PRRX2: variants seen among roughly 807,000 people sequenced by gnomAD.
The protein encoded by PRRX2 is paired related homeobox 2.
A neutral mutation model predicts 18.0 loss-of-function variants in PRRX2; 11 were observed. That is an observed-to-expected ratio of 0.61 (90% confidence interval 0.39 to 1.01). PRRX2 has a LOEUF of 1.01. Ranked by LOEUF, PRRX2 falls within the 50% of genes least tolerant of loss-of-function variation. The probability of loss-of-function intolerance (pLI) is 0.01; values close to 1 mark genes in which losing one functional copy is unlikely to be tolerated. For missense variants in PRRX2, 387 were observed against 351.0 expected (o/e 1.10, Z -0.82); for synonymous variants, 177 against 154.8 (o/e 1.14, Z -1.06).
At chr9:129,678,055 C>T (rs1323614094) in intron 1 of PRRX2, among the ~76,000 whole-genome samples, 2 of 150,852 alleles carry the variant, frequency 1.3e-5, no homozygotes, top group South Asian at 2.1e-4. Flanking sequence ...CCTCCGCCTC[C>T]AGGGTTCAGG....
chr9:129,670,307 C>T (rs192044320), intron 1 of PRRX2, among the ~76,000 whole-genome samples: 1 of 151,966 alleles, frequency 6.6e-6, no homozygotes, highest in South Asian at 2.1e-4. Context: ...CAAGTCCCTG[C>T]TTTTAATGAT....
intron 1 of PRRX2, among the ~76,000 whole-genome samples, chr9:129,711,754 G>A (rs1182737296): frequency 6.6e-6 from 1 of 152,056 alleles, no homozygotes; most frequent in Non-Finnish European, 1.5e-5. Flanking sequence ...GTTCACCCAC[G>A]GCACTCTGCT....
At chr9:129,707,532 T>C (rs1406996874) in intron 1 of PRRX2, among the ~76,000 whole-genome samples, 1 of 152,046 alleles carries the variant, frequency 6.6e-6, no homozygotes, top group East Asian at 1.9e-4. Flanking sequence ...ACACGTGTAA[T>C]CCCAGTACTT....
In PRRX2 at chr9:129,684,458, ACC is replaced by A. The variant is rs71385453; in HGVS notation, c.259+18334_259+18335del. 3.7e-3 allele frequency among the ~76,000 whole-genome samples: 436 copies of A among 118,650 alleles called. 4 individuals carry two copies. Among genetic ancestry groups the A allele is most frequent in the African/African-American group, 0.011 (384 of 34,728 alleles). 77.8% of individuals were successfully genotyped at this position (118,650 alleles called of 152,430 possible). A position where few individuals can be genotyped will look rare whatever the true frequency, so the allele number is the denominator to read the frequency against. ...CACACACACACACACACACACACAC[ACC>A]CAACAGAAAAGATACCAGAAATCAC... On this transcript the variant is annotated intron_variant, in intron 1 of 3. Coordinates refer to ENST00000372469, the MANE Select transcript of PRRX2 (RefSeq NM_016307.4).
rs1185252895 is a variant in PRRX2, at chr9:129,709,882, C to G, written c.260-9349C>G. On this transcript the variant is annotated intron_variant, in intron 1 of 3. Coordinates refer to ENST00000372469, the MANE Select transcript of PRRX2 (RefSeq NM_016307.4). The surrounding 1 kb of genome is among the most constrained non-coding windows in gnomAD (Gnocchi z 4.2). ...GCGGGCTCTGCAGGCTCACCCGGCC[C>G]TTCCCATGCCTCCCCTTCACTCAAC... 1.3e-5 allele frequency among the ~76,000 whole-genome samples: 2 copies of G among 152,094 alleles called. No homozygotes were observed. The highest frequency in any genetic ancestry group is 1.9e-4 in the East Asian group (1 of 5,176).
chr9:129,712,026 G>A (rs1007626396), intron 1 of PRRX2, among the ~76,000 whole-genome samples: 2 of 152,090 alleles, frequency 1.3e-5, no homozygotes, highest in Non-Finnish European at 2.9e-5. Context: ...AAGCCTCCAC[G>A]GCCTCTCCAC....
chr9:129,706,814 T>C (rs187935195), intron 1 of PRRX2, among the ~76,000 whole-genome samples: 6 of 152,262 alleles, frequency 3.9e-5, no homozygotes, highest in African/African-American at 1.4e-4. Context: ...CAATAAATAT[T>C]AAAACATTTT....
intron 1 of PRRX2, among the ~76,000 whole-genome samples, chr9:129,706,968 C>G (rs1008997806): frequency 6.6e-6 from 1 of 152,128 alleles, no homozygotes; most frequent in Non-Finnish European, 1.5e-5. Context: ...AGAAATCATT[C>G]ACTAGGGCCT....
At chr9:129,696,603 T>A (rs532589452) in intron 1 of PRRX2, among the ~76,000 whole-genome samples, 15 of 152,294 alleles carry the variant, frequency 9.8e-5, no homozygotes, top group Middle Eastern at 3.4e-3. Flanking sequence ...TAATAATTTT[T>A]AAAAAATACA....
At chr9:129,702,397 CAAAA>C (rs79630793) in intron 1 of PRRX2, among the ~76,000 whole-genome samples, 3 of 89,316 alleles carry the variant, frequency 3.4e-5, no homozygotes, top group South Asian at 3.6e-4. Flanking sequence ...GACTCCGTCT[CAAAA>C]AAAAAAAAAA....
intron 1 of PRRX2, among the ~76,000 whole-genome samples, chr9:129,708,388 A>G (rs1026601981): frequency 1.3e-5 from 2 of 152,070 alleles, no homozygotes; most frequent in Non-Finnish European, 2.9e-5. Flanking sequence ...AGTCTGTCTC[A>G]TCATGGTTTT....
rs374900086 is a variant in PRRX2, at chr9:129,667,808, G to A, written c.259+1682G>A. On this transcript the variant is annotated intron_variant, in intron 1 of 3. Transcript: ENST00000372469. ...GCTAGTGTCAGCTGGGGATGTGGGC[G>A]CCTAGACAAGGCCCTTGGCAGCCTC... 3.9e-5 allele frequency among the ~76,000 whole-genome samples: 6 copies of A among 152,298 alleles called. 1 individual carries two copies. The highest frequency in any genetic ancestry group is 4.1e-4 in the South Asian group (2 of 4,832).
At position 129,695,658 on chromosome 9, in the gene PRRX2, A is replaced by G. The variant is rs1431935764; in HGVS notation, c.260-23573A>G. ...AGGCCCCCGCCACCCCAAACCTTTAACAGGAGACTTGGCTGGGAAGTCAAA... is the reference window on the plus strand; with the variant it reads ...AGGCCCCCGCCACCCCAAACCTTTAGCAGGAGACTTGGCTGGGAAGTCAAA... On this transcript the variant is annotated intron_variant, in intron 1 of 3. Coordinates refer to ENST00000372469, the MANE Select transcript of PRRX2 (RefSeq NM_016307.4). The surrounding 1 kb of genome is among the most constrained non-coding windows in gnomAD (Gnocchi z 4.8). Among the ~76,000 whole-genome samples the G allele has an allele frequency of 6.6e-6, 1 of 152,202 alleles. No individual in the cohort carries two copies. The highest frequency in any genetic ancestry group is 1.9e-4 in the East Asian group (1 of 5,200).
intron 1 of PRRX2, among the ~76,000 whole-genome samples, chr9:129,683,135 A>C (rs942117310): frequency 3.9e-5 from 6 of 152,036 alleles, no homozygotes; most frequent in African/African-American, 1.4e-4. Context: ...TGGCTATGCC[A>C]GTTCCTGCCA....
intron 1 of PRRX2, among the ~76,000 whole-genome samples, chr9:129,696,584 T>A (rs1832425863): frequency 6.6e-6 from 1 of 151,932 alleles, no homozygotes; most frequent in Non-Finnish European, 1.5e-5. Flanking sequence ...TCGAAAAAAA[T>A]AATAGTAATA....
At chr9:129,680,269 C>T (rs1176918150) in intron 1 of PRRX2, among the ~76,000 whole-genome samples, 3 of 151,764 alleles carry the variant, frequency 2.0e-5, no homozygotes, top group Non-Finnish European at 2.9e-5. Context: ...GGCGTGGTGG[C>T]GTGCACCTGT....
chr9:129,669,091 G>T (rs2119047121), intron 1 of PRRX2, among the ~76,000 whole-genome samples: 2 of 151,256 alleles, frequency 1.3e-5, no homozygotes, highest in Middle Eastern at 6.8e-3. Context: ...AAAAATAAGG[G>T]TTAATGGGGG....
intron 1 of PRRX2, among the ~76,000 whole-genome samples, chr9:129,684,812 C>T (rs1182415277): frequency 6.6e-6 from 1 of 152,220 alleles, no homozygotes; most frequent in African/African-American, 2.4e-5. Context: ...CATGTATTGT[C>T]TCACCTAATC....
Position 129,695,499 on chromosome 9 carries a change from C to A in PRRX2, c.260-23732C>A, listed in dbSNP as rs1021739701. On this transcript the variant is annotated intron_variant, in intron 1 of 3. Coordinates refer to ENST00000372469, the MANE Select transcript of PRRX2 (RefSeq NM_016307.4). The surrounding 1 kb of genome is among the most constrained non-coding windows in gnomAD (Gnocchi z 4.8). ...GGTTTGGTTTTTATACACCCCACAG[C>A]CTTGTTGTGTTTACCCCCTTTTCAG... 1.1e-4 allele frequency among the ~76,000 whole-genome samples: 17 copies of A among 152,326 alleles called. No individual in the cohort carries two copies. Among genetic ancestry groups the A allele is most frequent in the African/African-American group, 3.8e-4 (16 of 41,572 alleles).
Sources: gnomAD v4.1 joint callset for allele counts (sites outside exome capture counted in the v4.1 genomes callset) on GRCh38, gnomAD v4.1.1 for gene constraint, Gnocchi (gnomAD v3.1) non-coding constraint, MANE v1.5 for transcripts, NCBI Gene and HGNC (gene_info 2026-07-23, HGNC 2026-07-21) for gene names.